The following AHCY variants were observed in gnomAD, a reference collection of about 807,000 sequenced individuals.
AHCY encodes the protein S-adenosyl-L-homocysteine hydrolase.
Under a neutral mutation model 45.4 loss-of-function variants are expected in AHCY, and 24 were observed. The observed-to-expected ratio is 0.53, with a 90% CI of 0.38 to 0.74. The LOEUF is 0.74. Among genes scored for constraint, AHCY ranks in the 30% least tolerant of loss-of-function variants. The pLI is 0.00. For missense variants in AHCY, 449 were observed against 594.1 expected (o/e 0.76, Z 2.54); for synonymous variants, 245 against 235.1 (o/e 1.04, Z -0.39).
the AHCY span, chr20:34,269,004 TG>T: frequency 6.2e-7 from 1 of 1,607,192 alleles, no homozygotes; most frequent in Non-Finnish European, 8.5e-7. Context: ...GAGGCTTCGA[TG>T]AAGAAAGTGG....
the AHCY span, among the ~76,000 whole-genome samples, chr20:34,264,670 C>T: frequency 2.6e-5 from 4 of 151,962 alleles, no homozygotes; most frequent in East Asian, 1.9e-4. Flanking sequence ...AGTAAACTTA[C>T]GGTATCAATA....
At chr20:34,261,311 C>T in the AHCY span, among the ~76,000 whole-genome samples, 2 of 151,960 alleles carry the variant, frequency 1.3e-5, no homozygotes, top group Admixed American at 6.6e-5. Context: ...CCAGACTGAG[C>T]GACATAGGGA....
the AHCY span, among the ~76,000 whole-genome samples, chr20:34,253,517 G>A: frequency 4.0e-5 from 6 of 151,338 alleles, no homozygotes; most frequent in African/African-American, 1.5e-4. Flanking sequence ...CCGTTGCCCA[G>A]GCCGGAGTGC....
upstream of AHCY, among the ~76,000 whole-genome samples, chr20:34,307,621 C>T (rs140429932): frequency 2.5e-4 from 38 of 152,346 alleles, no homozygotes; most frequent in East Asian, 6.0e-3. Context: ...ATCCGCCCGC[C>T]CTGGCTTCCC....
At chr20:34,266,528 C>G in the AHCY span, among the ~76,000 whole-genome samples, 1 of 151,896 alleles carries the variant, frequency 6.6e-6, no homozygotes, top group Non-Finnish European at 1.5e-5. Context: ...CAAAAATTAG[C>G]TGGGCGTGGT....
chr20:34,264,789 A>ATTTTTTTTTT, the AHCY span, among the ~76,000 whole-genome samples: 2 of 104,220 alleles, frequency 1.9e-5, no homozygotes, highest in Middle Eastern at 6.2e-3. Flanking sequence ...AGTTTACTTC[A>ATTTTTTTTTT]TTTTTTTTTT....
At chr20:34,305,097 C>T (rs1293958544), upstream of AHCY, among the ~76,000 whole-genome samples, 9 of 149,422 alleles carry the variant, frequency 6.0e-5, no homozygotes, top group Non-Finnish European at 7.4e-5. Flanking sequence ...GGGCGGATCA[C>T]GGGGTCAGGA....
chr20:34,290,882 C>T lies in AHCY; in HGVS notation c.615G>A (p.Arg205=). The part of the protein sequence containing the change: ...CRESLIDGIK[R]ATDVMIAGKV... ...TGCCGGCAATCATCACATCTGTGGC[C>T]CGCTTGATGCCATCTATGAGGGACT... is the stretch of plus-strand genomic sequence containing the variant. The change falls in exon 6 of 10, where the codon CGG becomes CGA. Residue 205 remains arginine (R), a synonymous_variant. Transcript: ENST00000217426. This position sits in a 1 kb window ranked among gnomAD's most constrained non-coding sequence, Gnocchi z 4.5. 6.2e-7 allele frequency: 1 copy of T among 1,614,152 alleles called. No homozygotes were observed.
In AHCY at chr20:34,285,446, G is replaced by A; in HGVS notation, c.1161C>T (p.Pro387=). ...DKYPVGVHFL[P]KKLDEAVAEA... ...GGTAGAAGAATAAACCCACCTTCTT[G>A]GGCAGGAAATGAACCCCAACGGGGT... The change falls in exon 9 of 10, where the codon CCC becomes CCT. Residue 387 remains proline, a synonymous_variant. Coordinates refer to ENST00000217426, the MANE Select transcript of AHCY (RefSeq NM_000687.4). The A allele has an allele frequency of 5.6e-6, 9 of 1,613,928 alleles. No homozygotes were observed. Among genetic ancestry groups the A allele is most frequent in the Non-Finnish European group, 5.9e-6 (7 of 1,179,858 alleles).
At chr20:34,248,555 C>A in the AHCY span, among the ~76,000 whole-genome samples, 24 of 152,260 alleles carry the variant, frequency 1.6e-4, no homozygotes, top group South Asian at 4.1e-4. Context: ...GTAATTCCAG[C>A]ACTTTGGGAG....
At chr20:34,245,040 CAAAG>C in the AHCY span, among the ~76,000 whole-genome samples, 24 of 152,056 alleles carry the variant, frequency 1.6e-4, no homozygotes, top group Admixed American at 9.8e-4. Context: ...AATAAAAAGA[CAAAG>C]AGAGAGTCAG....
chr20:34,293,974 C>CTCTCCCTTTCTGATATGTAAGGAAG lies in AHCY; in HGVS notation c.295+82_295+106dup, dbSNP rs1440158890. The stretch of plus-strand genomic sequence containing the variant: ...GGCTAGGATTTTGTGGCGGTGACTC[C>CTCTCCCTTTCTGATATGTAAGGAAG]TCTCCCTTTCTGATATGTAAGGAAG... On this transcript the variant is annotated intron_variant, in intron 3 of 9. Transcript: ENST00000217426. 3.8e-5 allele frequency: 44 copies of CTCTCCCTTTCTGATATGTAAGGAAG among 1,162,498 alleles called. No individual in the cohort carries two copies. In the Admixed American group the frequency reaches 4.1e-4, roughly 11 times the overall value. 72.0% of individuals were successfully genotyped at this position (1,162,498 alleles called of 1,614,324 possible).
At chr20:34,268,975 G>A in the AHCY span, 2 of 1,592,562 alleles carry the variant, frequency 1.3e-6, no homozygotes, top group South Asian at 1.1e-5. Context: ...ATAAAGCCCC[G>A]GCGTTTCCCA....
the AHCY span, among the ~76,000 whole-genome samples, chr20:34,258,648 G>T: frequency 1.5e-5 from 1 of 64,820 alleles, no homozygotes; most frequent in Non-Finnish European, 3.3e-5. Context: ...TGTCATTGAG[G>T]AGTTAATATC....
Position 34,294,057 on chromosome 20 carries a change from G to A in AHCY, c.295+24C>T, listed in dbSNP as rs200836827. 118 of 1,611,790 alleles carry A rather than the reference G, an allele frequency of 7.3e-5. 1 individual carries two copies. The highest frequency in any genetic ancestry group is 5.8e-4 in the East Asian group (26 of 44,852). On this transcript the variant is annotated intron_variant, in intron 3 of 9. Transcript: ENST00000217426. ...GGCAGAATCCCTTCACAAATTCCACGTCTCAGAAGCAAGCAGGACTTACCC... is the reference window on the plus strand; with the variant it reads ...GGCAGAATCCCTTCACAAATTCCACATCTCAGAAGCAAGCAGGACTTACCC...
the AHCY span, among the ~76,000 whole-genome samples, chr20:34,257,066 TTC>T: frequency 3.2e-5 from 3 of 93,550 alleles, 1 homozygote; most frequent in South Asian, 6.3e-4. Context: ...CTCTCTTTCT[TTC>T]TCTTTTTTTT....
the AHCY span, among the ~76,000 whole-genome samples, chr20:34,238,901 A>G: frequency 6.6e-6 from 1 of 152,150 alleles, no homozygotes; most frequent in East Asian, 1.9e-4. Flanking sequence ...CCAAGCCTTC[A>G]CCTAGAAGTT....
chr20:34,257,070 C>CTTTTTTTTTTTTTT, the AHCY span, among the ~76,000 whole-genome samples: 111 of 139,194 alleles, frequency 8.0e-4, no homozygotes, highest in Non-Finnish European at 1.2e-3. Flanking sequence ...CTTTCTTTCT[C>CTTTTTTTTTTTTTT]TTTTTTTTTT....
the AHCY span, among the ~76,000 whole-genome samples, chr20:34,236,122 TGGAAA>T: frequency 1.2e-5 from 1 of 83,466 alleles, no homozygotes; most frequent in African/African-American, 4.6e-5. Flanking sequence ...AGGAAAGGAG[TGGAAA>T]GGAAAGGAGA....
Sources: allele counts gnomAD v4.1 joint callset (sites outside exome capture counted in the v4.1 genomes callset), GRCh38; gene constraint gnomAD v4.1.1; non-coding constraint Gnocchi (gnomAD v3.1); transcripts MANE v1.5; gene names NCBI Gene and HGNC (gene_info 2026-07-23, HGNC 2026-07-21).